Variants in SH3BGRL observed in about 807,000 individuals in gnomAD.
SH3BGRL encodes the protein SH3 domain binding glutamate rich protein like, also known as adapter SH3BGRL.
SH3BGRL carries 7 observed loss-of-function variants against 9.8 expected under a neutral mutation model. That is an observed-to-expected ratio of 0.72 (90% CI 0.41 to 1.35). SH3BGRL has a LOEUF of 1.35. Among genes scored for constraint, SH3BGRL ranks in the 40% most tolerant of loss-of-function variants. SH3BGRL has a pLI of 0.01. For missense variants in SH3BGRL, 73 were observed against 84.4 expected, an observed-to-expected ratio of 0.86 and a Z score of 0.53; for synonymous variants, 36 against 29.1, an observed-to-expected ratio of 1.24 and a Z score of -0.76.
At chrX:81,270,969 C>A (rs964189401) in intron 1 of SH3BGRL, among the ~76,000 whole-genome samples, 2 of 111,933 alleles carry the variant, frequency 1.8e-5, no homozygotes, top group South Asian at 3.7e-4. Flanking sequence ...ACGTCCCCCC[C>A]CAACCAAGCT....
chrX:81,235,802 A>G (rs1448998459), intron 1 of SH3BGRL, among the ~76,000 whole-genome samples: 2 of 111,585 alleles, frequency 1.8e-5, no homozygotes, highest in East Asian at 5.6e-4. Context: ...TACATAACTC[A>G]ATCAACTAAC....
intron 2 of SH3BGRL, 113 bp downstream of exon 2, chrX:81,277,282 G>C: frequency 1.6e-6 from 1 of 608,292 alleles, no homozygotes; most frequent in Non-Finnish European, 2.5e-6. Flanking sequence ...CTTGCATATA[G>C]TCATTTGTCC....
chrX:81,212,252 A>G (rs939663783), intron 1 of SH3BGRL, among the ~76,000 whole-genome samples: 1 of 111,240 alleles, frequency 9.0e-6, no homozygotes, highest in Non-Finnish European at 1.9e-5. Flanking sequence ...AAATAAAAAA[A>G]AAAGAATAAA....
At position 81,274,510 on chromosome X, in the gene SH3BGRL, C is replaced by G. The variant is rs922042982; in HGVS notation, c.46-2474C>G. Among the ~76,000 whole-genome samples, 104 of 110,022 alleles carry G rather than the reference C, an allele frequency of 9.5e-4. 1 individual carries two copies. The highest frequency in any genetic ancestry group is 1.2e-3 in the Non-Finnish European group (65 of 52,742). On this transcript the variant is annotated intron_variant, in intron 1 of 3. Transcript: ENST00000373212. ...CCTGTAATCCCAGCTACTCAGGAGG[C>G]TGAGGCAGAAGAAATCACTTGAAGT...
intron 3 of SH3BGRL, among the ~76,000 whole-genome samples, chrX:81,288,478 A>G (rs2075844996): frequency 8.9e-6 from 1 of 111,979 alleles, no homozygotes; most frequent in Admixed American, 9.5e-5. Context: ...ATCCAAACTC[A>G]AAATGAAGAA....
chrX:81,241,776 A>C (rs1035265844), intron 1 of SH3BGRL, among the ~76,000 whole-genome samples: 3 of 112,256 alleles, frequency 2.7e-5, no homozygotes, highest in African/African-American at 9.7e-5. Context: ...GGCATCTGCA[A>C]CTTCCAAGCA....
At position 81,277,130 on chromosome X, in the gene SH3BGRL, C is replaced by A; in HGVS notation, c.192C>A (p.Pro64=). The A allele has an allele frequency of 8.3e-7, 1 of 1,207,701 alleles. No individual in the cohort carries two copies. The highest frequency in any genetic ancestry group is 1.8e-5 in the South Asian group (1 of 55,770). The part of the protein sequence containing the change: ...PENSRPATGY[P]LPPQIFNESQ... ...ATAGTCGACCAGCCACAGGTTACCC[C>A]CTGCCACCTCAGATTTTCAATGAAA... Residue 64 remains proline (P), a synonymous_variant, in exon 2 of 4, where the codon CCC becomes CCA. Transcript: ENST00000373212.
chrX:81,218,289 G>T (rs6652981), intron 1 of SH3BGRL, among the ~76,000 whole-genome samples: 1 of 110,100 alleles, frequency 9.1e-6, no homozygotes, highest in East Asian at 2.8e-4. Context: ...CATGCTAATT[G>T]TTGTGTGAGT....
At chrX:81,229,804 G>A (rs747231655) in intron 1 of SH3BGRL, among the ~76,000 whole-genome samples, 68 of 111,785 alleles carry the variant, frequency 6.1e-4, no homozygotes, top group Non-Finnish European at 1.1e-3. Context: ...CAGGATGGGG[G>A]CATGATGGGC....
chrX:81,291,439 A>G (rs933150024), intron 3 of SH3BGRL, among the ~76,000 whole-genome samples: 1 of 110,586 alleles, frequency 9.0e-6, no homozygotes, highest in Non-Finnish European at 1.9e-5. Context: ...ACCATTAGAA[A>G]CCACCCCCCA....
chrX:81,279,145 C>T (rs761486490), intron 3 of SH3BGRL, among the ~76,000 whole-genome samples: 1 of 112,171 alleles, frequency 8.9e-6, no homozygotes, highest in African/African-American at 3.2e-5. Context: ...ATTCCCTCTC[C>T]TATTTTAAAA....
intron 1 of SH3BGRL, among the ~76,000 whole-genome samples, chrX:81,256,349 C>T (rs1413706270): frequency 8.0e-5 from 9 of 111,909 alleles, no homozygotes; most frequent in Non-Finnish European, 1.7e-4. Context: ...ATTGACTTAG[C>T]GCTCCAGAAA....
At position 81,245,848 on chromosome X, in the gene SH3BGRL, TA is replaced by T. The variant is rs1439216728; in HGVS notation, c.46-31135del. 1.5e-4 allele frequency among the ~76,000 whole-genome samples: 17 copies of T among 111,927 alleles called. No individual in the cohort carries two copies. In the East Asian group the frequency reaches 4.5e-3, roughly 30 times the overall value. The stretch of plus-strand genomic sequence containing the variant: ...TTCTTTTGGATATATACCCAGCAAT[TA>T]GATTGCTAGGTCAAATGTTAGTTTT... On this transcript the variant is annotated intron_variant, in intron 1 of 3. Transcript: ENST00000373212.
chrX:81,221,814 T>A (rs1217793459), intron 1 of SH3BGRL, among the ~76,000 whole-genome samples: 1 of 112,382 alleles, frequency 8.9e-6, no homozygotes, highest in Non-Finnish European at 1.9e-5. Flanking sequence ...GTTATTAATG[T>A]CAATTGTTAT....
intron 3 of SH3BGRL, among the ~76,000 whole-genome samples, chrX:81,289,161 A>G (rs1485666250): frequency 8.9e-6 from 1 of 112,405 alleles, no homozygotes; most frequent in Admixed American, 9.4e-5. Flanking sequence ...AGGTGCCAAG[A>G]ACATACACTG....
intron 1 of SH3BGRL, among the ~76,000 whole-genome samples, chrX:81,204,804 A>G (rs1286269037): frequency 8.9e-6 from 1 of 112,467 alleles, no homozygotes; most frequent in African/African-American, 3.2e-5. Context: ...CCTGGGCAAC[A>G]GAGCGAGACT....
chrX:81,209,411 T>A (rs936874364), intron 1 of SH3BGRL, among the ~76,000 whole-genome samples: 5 of 111,806 alleles, frequency 4.5e-5, no homozygotes, highest in African/African-American at 1.6e-4. Context: ...ACTTAATTTA[T>A]CTTTACAATA....
chrX:81,268,895 C>G (rs2119948), intron 1 of SH3BGRL, among the ~76,000 whole-genome samples: 24,760 of 110,816 alleles, frequency 0.22, 2,226 homozygotes, highest in East Asian at 0.7. Context: ...ATGAATCTGG[C>G]TGCTCCTGTA....
At position 81,273,214 on chromosome X, in the gene SH3BGRL, T is replaced by G. The variant is rs759191677; in HGVS notation, c.46-3770T>G. Among the ~76,000 whole-genome samples the G allele has an allele frequency of 1.4e-4, 16 of 112,430 alleles. No homozygotes were observed. In the East Asian group the frequency reaches 4.5e-3, roughly 32 times the overall value. On this transcript the variant is annotated intron_variant, in intron 1 of 3. Coordinates refer to ENST00000373212, the MANE Select transcript of SH3BGRL (RefSeq NM_003022.3). ...AGAAGGATTAAAAATCTAACATTTG[T>G]GCTCTCCTTATTAAGCTTAGTCTAA...
Sources: allele counts gnomAD v4.1 joint callset (sites outside exome capture counted in the v4.1 genomes callset), GRCh38; gene constraint gnomAD v4.1.1; transcripts MANE v1.5; gene names NCBI Gene and HGNC (gene_info 2026-07-23, HGNC 2026-07-21).